Variants in PCDHGA1 observed in about 807,000 individuals in gnomAD.
PCDHGA1 encodes protocadherin gamma subfamily A, 1.
Under a neutral mutation model 58.0 loss-of-function variants are expected in PCDHGA1, and 32 were observed. The ratio of observed to expected loss-of-function variants is 0.55; its 90% CI spans 0.42 to 0.74. The LOEUF (loss-of-function observed/expected upper bound fraction) is 0.74. Among genes scored for constraint, PCDHGA1 ranks in the 30% least tolerant of loss-of-function variants. The probability of loss-of-function intolerance (pLI) is 0.00; values close to 1 mark genes in which losing one functional copy is unlikely to be tolerated. For missense variants in PCDHGA1, 1,205 were observed against 1,182.3 expected, an observed-to-expected ratio of 1.02 and a Z score of -0.28; for synonymous variants, 498 against 501.1, an observed-to-expected ratio of 0.99 and a Z score of 0.08.
intron 1 of PCDHGA1, among the ~76,000 whole-genome samples, chr5:141,405,811 ACTGT>A (rs56926516): frequency 0.18 from 26,617 of 151,870 alleles, 2,510 homozygotes; most frequent in Admixed American, 0.28. Flanking sequence ...TTTCTCTTTA[ACTGT>A]CTGTACTTAA....
In PCDHGA1 at chr5:141,413,182, G is replaced by C. The variant is rs752788034; in HGVS notation, c.2421+80077G>C. On this transcript the variant is annotated intron_variant, in intron 1 of 3. Transcript: ENST00000517417. ...ATTCTGTAACCAGACTACAATGGCCGCTCAAAGGAATCGCTCAAAGGAATC... is the reference window on the plus strand; with the variant it reads ...ATTCTGTAACCAGACTACAATGGCCCCTCAAAGGAATCGCTCAAAGGAATC... 3.1e-6 allele frequency: 5 copies of C among 1,604,164 alleles called. No homozygotes were observed. In the South Asian group the frequency reaches 5.5e-5, roughly 18 times the overall value.
intron 1 of PCDHGA1, among the ~76,000 whole-genome samples, chr5:141,433,553 T>C (rs530467777): frequency 1.3e-5 from 2 of 151,614 alleles, no homozygotes; most frequent in African/African-American, 4.8e-5. Flanking sequence ...TATTCTTTTC[T>C]GGCTGGGCGC....
chr5:141,433,305 C>A, intron 1 of PCDHGA1: 1 of 931,030 alleles, frequency 1.1e-6, no homozygotes, highest in Non-Finnish European at 1.6e-6. Context: ...GCAATTATCC[C>A]ACCTTTGCCT....
At position 141,332,731 on chromosome 5, in the gene PCDHGA1, A is replaced by C. The variant is rs548681742; in HGVS notation, c.2047A>C (p.Lys683Gln). ...ADLGSLEPSAKPNDSDLTLYL... is the reference protein window; with the variant it reads ...ADLGSLEPSAQPNDSDLTLYL... ...CCTGGGCAGCCTCGAGCCCTCCGCC[A>C]AACCCAACGATTCGGACCTCACTCT... The change falls in exon 1 of 4, where the codon AAA (lysine) becomes CAA (glutamine). Residue 683 changes from lysine (K) to glutamine (Q), a missense_variant. Lys to Gln is a moderately conservative substitution (Grantham distance 53, BLOSUM62 1). Transcript: ENST00000517417. The surrounding 1 kb of genome is among the most constrained non-coding windows in gnomAD (Gnocchi z 4.6). The C allele has an allele frequency of 2.2e-5, 36 of 1,613,956 alleles. 2 individuals carry two copies. The African/African-American group carries it at 2.4e-4, about 11-fold the overall frequency.
intron 1 of PCDHGA1, among the ~76,000 whole-genome samples, chr5:141,449,579 ACT>A (rs370512396): frequency 0.052 from 7,360 of 141,924 alleles, 400 homozygotes; most frequent in African/African-American, 0.14. Flanking sequence ...ACAGAGCAAG[ACT>A]CTGTCTCAAA....
Position 141,487,649 on chromosome 5 carries a change from G to T in PCDHGA1, c.2422-7158G>T. The T allele has an allele frequency of 1.2e-6, 2 of 1,614,020 alleles. No individual in the cohort carries two copies. The highest frequency in any genetic ancestry group is 1.7e-6 in the Non-Finnish European group (2 of 1,179,968). The stretch of plus-strand genomic sequence containing the variant: ...TTTGCAGGCTCAACAAATGCTTGAG[G>T]GTTATTCTGATCCAGGCATATGGCT... On this transcript the variant is annotated intron_variant, in intron 1 of 3. Coordinates refer to ENST00000517417, the MANE Select transcript of PCDHGA1 (RefSeq NM_018912.3). This position sits in a 1 kb window ranked among gnomAD's most constrained non-coding sequence, Gnocchi z 5.0.
chr5:141,481,351 A>G (rs2099536232), intron 1 of PCDHGA1, among the ~76,000 whole-genome samples: 1 of 152,152 alleles, frequency 6.6e-6, no homozygotes, highest in Non-Finnish European at 1.5e-5. Context: ...TTAAACATCT[A>G]CAGCTGTTCA....
At position 141,425,978 on chromosome 5, in the gene PCDHGA1, A is replaced by T. The variant is rs182438141; in HGVS notation, c.2422-68829A>T. Among the ~76,000 whole-genome samples the T allele has an allele frequency of 3.9e-3, 592 of 152,340 alleles. 5 individuals carry two copies. Among genetic ancestry groups the T allele is most frequent in the African/African-American group, 0.014 (563 of 41,588 alleles). ...AGTCCAACACATCAGTCTAATTCTG[A>T]ATCCCATTGAATTAGCAAAGGCTTC... On this transcript the variant is annotated intron_variant, in intron 1 of 3. Coordinates refer to ENST00000517417, the MANE Select transcript of PCDHGA1 (RefSeq NM_018912.3).
chr5:141,372,752 T>C (rs746659165), intron 1 of PCDHGA1: 9 of 1,613,300 alleles, frequency 5.6e-6, no homozygotes, highest in Non-Finnish European at 7.6e-6. Flanking sequence ...ATGAAGCCTC[T>C]TGGTTTGAAA....
At chr5:141,365,347 C>A (rs762446364) in intron 1 of PCDHGA1, 3 of 1,613,946 alleles carry the variant, frequency 1.9e-6, no homozygotes, top group Admixed American at 3.3e-5. Context: ...CAGTACAGGA[C>A]GTGAATGACA....
intron 1 of PCDHGA1, chr5:141,407,937 C>G: frequency 2.0e-6 from 1 of 511,428 alleles, no homozygotes; most frequent in Non-Finnish European, 3.3e-6. Context: ...AGCCTCTGGG[C>G]GCCGCTGTCG....
chr5:141,400,220 T>C, intron 1 of PCDHGA1: 1 of 1,614,006 alleles, frequency 6.2e-7, no homozygotes. Context: ...ATCTCAGTGC[T>C]CTTCCTCCTG....
intron 1 of PCDHGA1, chr5:141,430,707 CT>C: frequency 6.8e-7 from 1 of 1,478,562 alleles, no homozygotes; most frequent in Non-Finnish European, 9.0e-7. Context: ...GGAACTGCTC[CT>C]GACTTCAGTG....
intron 1 of PCDHGA1, among the ~76,000 whole-genome samples, chr5:141,444,400 A>G (rs1400847351): frequency 1.3e-5 from 2 of 151,536 alleles, no homozygotes; most frequent in Admixed American, 6.6e-5. Flanking sequence ...TGAACTCCCA[A>G]CCTCAGGTGA....
At chr5:141,355,713 G>A (rs756628846) in intron 1 of PCDHGA1, 4 of 1,614,022 alleles carry the variant, frequency 2.5e-6, no homozygotes, top group South Asian at 1.1e-5. Context: ...AGGGTTACCA[G>A]CTCAACTCAA....
At chr5:141,387,725 C>A (rs986434485) in intron 1 of PCDHGA1, 2 of 1,183,102 alleles carry the variant, frequency 1.7e-6, no homozygotes, top group Non-Finnish European at 2.3e-6. Context: ...GACTCCCCAG[C>A]GCCAGCCTTT....
At chr5:141,384,778 C>T (rs1206898496) in intron 1 of PCDHGA1, 6 of 1,613,608 alleles carry the variant, frequency 3.7e-6, no homozygotes, top group East Asian at 2.2e-5. Flanking sequence ...GGGCGAGGTG[C>T]GCACGGCTCG....
chr5:141,370,748 T>C (rs769655229), intron 1 of PCDHGA1: 2 of 1,613,824 alleles, frequency 1.2e-6, no homozygotes, highest in Non-Finnish European at 8.5e-7. Context: ...ACTTTTTTCA[T>C]GTAACTGTGC....
chr5:141,366,646 G>A (rs1219321287), intron 1 of PCDHGA1: 1 of 1,614,248 alleles, frequency 6.2e-7, no homozygotes, highest in Non-Finnish European at 8.5e-7. Flanking sequence ...TCTTTCCCCA[G>A]CCCAACTACG....
Sources: gnomAD v4.1 joint callset for allele counts (sites outside exome capture counted in the v4.1 genomes callset) on GRCh38, gnomAD v4.1.1 for gene constraint, Gnocchi (gnomAD v3.1) non-coding constraint, MANE v1.5 for transcripts, NCBI Gene and HGNC (gene_info 2026-07-23, HGNC 2026-07-21) for gene names.